TRAPPC9: variants seen among roughly 807,000 people sequenced by gnomAD.
TRAPPC9 encodes the protein trafficking protein particle complex subunit 9.
In TRAPPC9, 83 loss-of-function variants were observed where a neutral mutation model predicts 124.0. That is an observed-to-expected ratio of 0.67 (90% CI 0.56 to 0.80). TRAPPC9 has a LOEUF of 0.80. TRAPPC9 is among the 30% of genes least tolerant of loss of function. TRAPPC9 has a pLI of 0.00. For missense variants in TRAPPC9, 1,302 were observed against 1,508.3 expected, an observed-to-expected ratio of 0.86 and a Z score of 2.27; for synonymous variants, 638 against 617.5, an observed-to-expected ratio of 1.03 and a Z score of -0.49.
At chr8:140,247,563 T>G (rs1278168535) in intron 16 of TRAPPC9, among the ~76,000 whole-genome samples, 1 of 144,814 alleles carries the variant, frequency 6.9e-6, no homozygotes, top group South Asian at 2.1e-4. Context: ...TTTCAAGGGT[T>G]TTTTTTTTTA....
intron 21 of TRAPPC9, among the ~76,000 whole-genome samples, chr8:139,750,338 G>A (rs1419992267): frequency 2.0e-5 from 3 of 152,228 alleles, no homozygotes; most frequent in South Asian, 2.1e-4. Context: ...GGCAAACCAC[G>A]CCTCCCCAGG....
chr8:140,384,748 T>C (rs936569273), intron 7 of TRAPPC9, among the ~76,000 whole-genome samples: 1 of 152,060 alleles, frequency 6.6e-6, no homozygotes, highest in African/African-American at 2.4e-5. Flanking sequence ...CTGTCAACAT[T>C]AGACAGATCA....
intron 19 of TRAPPC9, among the ~76,000 whole-genome samples, chr8:139,961,971 G>A (rs1403999746): frequency 8.1e-6 from 1 of 123,726 alleles, no homozygotes; most frequent in African/African-American, 2.6e-5. Context: ...GGGACAACCA[G>A]CTGCAGAGAG....
At chr8:140,351,251 C>G (rs892568859) in intron 9 of TRAPPC9, among the ~76,000 whole-genome samples, 1 of 151,360 alleles carries the variant, frequency 6.6e-6, no homozygotes, top group Non-Finnish European at 1.5e-5. Context: ...CTGCCTGCCC[C>G]TAGAGACAAA....
At chr8:140,150,486 C>T (rs2061527700) in intron 17 of TRAPPC9, among the ~76,000 whole-genome samples, 1 of 152,146 alleles carries the variant, frequency 6.6e-6, no homozygotes, top group Admixed American at 6.5e-5. Flanking sequence ...CATTGAACCT[C>T]ATGTGTACGT....
At chr8:140,023,247 A>AC (rs1479171503) in intron 18 of TRAPPC9, among the ~76,000 whole-genome samples, 3 of 152,178 alleles carry the variant, frequency 2.0e-5, no homozygotes, top group Non-Finnish European at 4.4e-5. Context: ...AGCTTCATTC[A>AC]CCTCCAGCTT....
intron 9 of TRAPPC9, among the ~76,000 whole-genome samples, chr8:140,325,748 C>A (rs936748334): frequency 6.6e-6 from 1 of 152,188 alleles, no homozygotes; most frequent in African/African-American, 2.4e-5. Context: ...TACTTCCCAA[C>A]TTGTGTTATG....
At chr8:140,134,075 C>A (rs2061251730) in intron 17 of TRAPPC9, among the ~76,000 whole-genome samples, 1 of 151,824 alleles carries the variant, frequency 6.6e-6, no homozygotes, top group Non-Finnish European at 1.5e-5. Context: ...GCAAAAGGAC[C>A]CCAAATAGCA....
At chr8:140,276,533 T>G (rs1278146925) in intron 14 of TRAPPC9, among the ~76,000 whole-genome samples, 3 of 152,112 alleles carry the variant, frequency 2.0e-5, no homozygotes, top group Non-Finnish European at 4.4e-5. Context: ...GCACTCAAGC[T>G]CTCAGCCTGT....
chr8:140,192,729 T>C (rs2062527100), intron 17 of TRAPPC9, among the ~76,000 whole-genome samples: 1 of 152,252 alleles, frequency 6.6e-6, no homozygotes, highest in African/African-American at 2.4e-5. Context: ...TACTAGCCAC[T>C]ATTTATTGGA....
Position 140,023,966 on chromosome 8 carries a change from G to T in TRAPPC9, c.2670C>A (p.Phe890Leu), listed in dbSNP as rs1386858523. 1 of 1,614,072 alleles carries T rather than the reference G, an allele frequency of 6.2e-7. No individual in the cohort carries two copies. Among genetic ancestry groups the T allele is most frequent in the African/African-American group, 1.3e-5 (1 of 75,024 alleles). Residue 890 changes from phenylalanine to leucine, a missense_variant, in exon 18 of 23, where the codon TTC (phenylalanine) becomes TTA (leucine). Phe to Leu is a conservative substitution (Grantham distance 22). This residue lies in a region of TRAPPC9 where 640 missense variants were observed against 679.3 expected (regional missense o/e 0.94). Transcript: ENST00000438773. ...TTGCTGGGAGGGTGCTGACTCGGGT[G>T]AAAAATACAGACGGCTCGACTTCTA... ...LHVEVEPSVFFTRVSTLPATS... is the reference protein window; with the variant it reads ...LHVEVEPSVFLTRVSTLPATS...
At chr8:140,421,539 C>G (rs2070208551) in intron 5 of TRAPPC9, among the ~76,000 whole-genome samples, 1 of 152,086 alleles carries the variant, frequency 6.6e-6, no homozygotes, top group East Asian at 1.9e-4. Flanking sequence ...TGATTTTTAC[C>G]TTGTGAAACA....
rs942067830 is a variant in TRAPPC9, at chr8:140,062,458, G to A, written c.2557-38379C>T. Among the ~76,000 whole-genome samples, 8 of 151,974 alleles carry A rather than the reference G, an allele frequency of 5.3e-5. No individual in the cohort carries two copies. In the East Asian group the frequency reaches 5.8e-4, roughly 11 times the overall value. On this transcript the variant is annotated intron_variant, in intron 17 of 22. Coordinates refer to ENST00000438773, the MANE Select transcript of TRAPPC9 (RefSeq NM_001160372.4). ...TCCTTATGTCCTGGCTGTGTCCTCC[G>A]CAGCCCCAGGGCCTTTACTCCAGCT...
chr8:140,187,223 G>A (rs149167655), intron 17 of TRAPPC9, among the ~76,000 whole-genome samples: 18 of 152,312 alleles, frequency 1.2e-4, no homozygotes, highest in Admixed American at 5.2e-4. Context: ...CATAAACAGA[G>A]GGCTGACTTG....
chr8:140,099,308 TC>T (rs949227486), intron 17 of TRAPPC9: 1 of 148,654 alleles, frequency 6.7e-6, no homozygotes, highest in African/African-American at 2.5e-5. Flanking sequence ...CCCAGCGAGG[TC>T]TCTGCGCAAC....
chr8:140,305,579 G>C (rs1228419056), intron 10 of TRAPPC9, among the ~76,000 whole-genome samples: 1 of 152,136 alleles, frequency 6.6e-6, no homozygotes, highest in East Asian at 1.9e-4. Flanking sequence ...TCACATTACA[G>C]GCGTGAGCCA....
intron 7 of TRAPPC9, among the ~76,000 whole-genome samples, chr8:140,379,961 G>A (rs1054081867): frequency 3.3e-5 from 5 of 152,172 alleles, no homozygotes; most frequent in African/African-American, 1.2e-4. Context: ...GTTCTTTATT[G>A]TAGGTATCTC....
chr8:139,950,448 G>A (rs1301156404), intron 19 of TRAPPC9, among the ~76,000 whole-genome samples: 1 of 152,222 alleles, frequency 6.6e-6, no homozygotes. Flanking sequence ...GAGTGGTATT[G>A]CTGATTTCAC....
At chr8:140,183,661 C>A (rs2062258570) in intron 17 of TRAPPC9, among the ~76,000 whole-genome samples, 1 of 151,630 alleles carries the variant, frequency 6.6e-6, no homozygotes, top group African/African-American at 2.4e-5. Context: ...GGGTTCGAGA[C>A]CAGCCTGGCC....
Sources: allele counts gnomAD v4.1 joint callset (sites outside exome capture counted in the v4.1 genomes callset), GRCh38; gene constraint gnomAD v4.1.1; regional missense constraint gnomAD v4.1.1; transcripts MANE v1.5; gene names NCBI Gene and HGNC (gene_info 2026-07-23, HGNC 2026-07-21).